Variants in MCC observed in about 807,000 individuals in gnomAD.
MCC encodes MCC regulator of Wnt signaling pathway.
A neutral mutation model predicts 116.2 loss-of-function variants in MCC; 90 were observed. That is an observed-to-expected ratio of 0.77 (90% CI 0.65 to 0.92). MCC has a LOEUF of 0.92. MCC is among the 40% of genes least tolerant of loss of function. The probability of loss-of-function intolerance (pLI) is 0.00; values close to 1 mark genes in which losing one functional copy is unlikely to be tolerated. For missense variants in MCC, 1,516 were observed against 1,312.2 expected, an observed-to-expected ratio of 1.16 and a Z score of -2.40; for synonymous variants, 578 against 510.5, an observed-to-expected ratio of 1.13 and a Z score of -1.78.
At chr5:113,378,500 T>C (rs1020869189) in intron 2 of MCC, among the ~76,000 whole-genome samples, 1 of 152,300 alleles carries the variant, frequency 6.6e-6, no homozygotes, top group Admixed American at 6.5e-5. Flanking sequence ...AATTAGCAGG[T>C]TGTTATGTCT....
intron 8 of MCC, among the ~76,000 whole-genome samples, chr5:113,089,812 A>G (rs1755469764): frequency 1.3e-5 from 2 of 152,218 alleles, no homozygotes; most frequent in Admixed American, 6.5e-5. Flanking sequence ...AAAACAAACA[A>G]AACACCCAAA....
At chr5:113,480,860 G>T in intron 1 of MCC, among the ~76,000 whole-genome samples, 1 of 152,010 alleles carries the variant, frequency 6.6e-6, no homozygotes, top group Admixed American at 6.6e-5. Flanking sequence ...CTGCAGCCTT[G>T]ACCTCCCAGG....
intron 3 of MCC, among the ~76,000 whole-genome samples, chr5:113,218,674 T>C (rs1763421054): frequency 6.6e-6 from 1 of 152,188 alleles, no homozygotes; most frequent in East Asian, 1.9e-4. Context: ...ACATTACAAA[T>C]GGAACTCAAT....
chr5:113,059,426 G>A lies in MCC; in HGVS notation c.2213+4558C>T, dbSNP rs983603997. The stretch of plus-strand genomic sequence containing the variant: ...TTTCTCTGGCCTCACAGACAAAGGC[G>A]CTGGCGGTCTCCCAAGGGCCTGCTG... On this transcript the variant is annotated intron_variant, in intron 14 of 18. Coordinates refer to ENST00000408903, the MANE Select transcript of MCC (RefSeq NM_001085377.2). Among the ~76,000 whole-genome samples the A allele has an allele frequency of 2.6e-5, 4 of 152,192 alleles. No individual in the cohort carries two copies. The East Asian group carries it at 5.8e-4, about 22-fold the overall frequency.
chr5:113,456,107 C>T (rs1771538464), intron 1 of MCC, among the ~76,000 whole-genome samples: 1 of 152,154 alleles, frequency 6.6e-6, no homozygotes, highest in Admixed American at 6.5e-5. Flanking sequence ...AAAACCGTAC[C>T]TGCCACCTTA....
chr5:113,091,321 A>C (rs1473053785), intron 8 of MCC, among the ~76,000 whole-genome samples: 1 of 152,186 alleles, frequency 6.6e-6, no homozygotes, highest in East Asian at 1.9e-4. Flanking sequence ...GTATCAAGAG[A>C]GAACAGGAGA....
chr5:113,471,849 TA>T (rs1772101095), intron 1 of MCC, among the ~76,000 whole-genome samples: 1 of 151,854 alleles, frequency 6.6e-6, no homozygotes, highest in East Asian at 1.9e-4. Context: ...ATCAAACAAC[TA>T]ACTCAGTAAT....
At chr5:113,290,723 T>G (rs1766461501) in intron 3 of MCC, among the ~76,000 whole-genome samples, 1 of 152,228 alleles carries the variant, frequency 6.6e-6, no homozygotes, top group Non-Finnish European at 1.5e-5. Context: ...AGCTGTCCCT[T>G]GGAAGATTTC....
intron 3 of MCC, among the ~76,000 whole-genome samples, chr5:113,287,931 C>G (rs1038324844): frequency 7.9e-5 from 12 of 152,244 alleles, no homozygotes; most frequent in African/African-American, 2.9e-4. Context: ...CAGAATCAAG[C>G]TTCTCTCCCT....
chr5:113,294,185 A>T, intron 3 of MCC: 1 of 1,000,246 alleles, frequency 1.0e-6, no homozygotes. Context: ...GATCCAGAAA[A>T]TCTACTAATC....
At chr5:113,436,678 T>G (rs2150413827) in intron 1 of MCC, 1 of 152,364 alleles carries the variant, frequency 6.6e-6, no homozygotes, top group Non-Finnish European at 1.5e-5. Context: ...AGCTCTTTTC[T>G]CCTGAGATAA....
intron 1 of MCC, among the ~76,000 whole-genome samples, chr5:113,423,266 T>C (rs1770388764): frequency 6.6e-6 from 1 of 152,192 alleles, no homozygotes; most frequent in African/African-American, 2.4e-5. Context: ...CTAAGTGCCT[T>C]GCAAAGAATA....
At chr5:113,437,434 T>C (rs1366216142) in intron 1 of MCC, among the ~76,000 whole-genome samples, 1 of 152,234 alleles carries the variant, frequency 6.6e-6, no homozygotes, top group Non-Finnish European at 1.5e-5. Context: ...ATGTTCTATG[T>C]CTTCCAAGGA....
chr5:113,112,459 T>A (rs1757154579), intron 6 of MCC, among the ~76,000 whole-genome samples: 1 of 152,210 alleles, frequency 6.6e-6, no homozygotes, highest in Admixed American at 6.5e-5. Flanking sequence ...TAAGATGTGC[T>A]TGCTTCCCCT....
At chr5:113,252,214 A>G (rs1764828568) in intron 3 of MCC, among the ~76,000 whole-genome samples, 1 of 151,748 alleles carries the variant, frequency 6.6e-6, no homozygotes. Context: ...GAGCCTCCCC[A>G]TTGCCTAGAC....
intron 2 of MCC, among the ~76,000 whole-genome samples, chr5:113,345,489 T>C (rs1768112909): frequency 6.6e-6 from 1 of 152,208 alleles, no homozygotes; most frequent in African/African-American, 2.4e-5. Context: ...CAGGTCCGAC[T>C]CAGTGTAGTC....
At chr5:113,315,022 G>T (rs1280339094) in intron 3 of MCC, among the ~76,000 whole-genome samples, 3 of 152,210 alleles carry the variant, frequency 2.0e-5, no homozygotes, top group African/African-American at 7.2e-5. Flanking sequence ...GATTTGTAGA[G>T]TTAATCTGCC....
At chr5:113,281,113 T>C (rs898427398) in intron 3 of MCC, among the ~76,000 whole-genome samples, 1 of 152,202 alleles carries the variant, frequency 6.6e-6, no homozygotes, top group African/African-American at 2.4e-5. Context: ...TTAAAAAACT[T>C]CTTGCAAATA....
intron 3 of MCC, among the ~76,000 whole-genome samples, chr5:113,173,219 C>A (rs1408515740): frequency 2.0e-5 from 3 of 152,134 alleles, no homozygotes; most frequent in Non-Finnish European, 4.4e-5. Flanking sequence ...CATCCTCCAC[C>A]CCACTCAGAT....
Sources: gnomAD v4.1 joint callset for allele counts (sites outside exome capture counted in the v4.1 genomes callset) on GRCh38, gnomAD v4.1.1 for gene constraint, MANE v1.5 for transcripts, NCBI Gene and HGNC (gene_info 2026-07-23, HGNC 2026-07-21) for gene names.